PRKCQ: variants seen among roughly 807,000 people sequenced by gnomAD.
The protein encoded by PRKCQ is protein kinase C theta type.
In PRKCQ, 41 loss-of-function variants were observed where a neutral mutation model predicts 91.2. The observed-to-expected ratio is 0.45, with a 90% CI of 0.35 to 0.58. The LOEUF is 0.58. Ranked by LOEUF, PRKCQ falls within the 20% of genes least tolerant of loss-of-function variation. The probability of loss-of-function intolerance (pLI) is 0.00; values close to 1 mark genes in which losing one functional copy is unlikely to be tolerated. For synonymous variants in PRKCQ, 307 were observed against 316.9 expected, an observed-to-expected ratio of 0.97 and a Z score of 0.33; for missense variants, 673 against 896.5, an observed-to-expected ratio of 0.75 and a Z score of 3.18.
At chr10:6,495,392 T>TCC (rs1837533597) in intron 7 of PRKCQ, among the ~76,000 whole-genome samples, 1 of 152,184 alleles carries the variant, frequency 6.6e-6, no homozygotes, top group African/African-American at 2.4e-5. Flanking sequence ...CATTGGACTC[T>TCC]CCCTCAGCAG....
intron 1 of PRKCQ, among the ~76,000 whole-genome samples, chr10:6,520,923 C>T (rs1002817158): frequency 6.6e-6 from 1 of 152,204 alleles, no homozygotes; most frequent in African/African-American, 2.4e-5. Context: ...ACAATTCTCT[C>T]TGGTCTCATC....
chr10:6,425,860 G>A (rs1232147170), downstream of PRKCQ, among the ~76,000 whole-genome samples: 1 of 152,114 alleles, frequency 6.6e-6, no homozygotes, highest in African/African-American at 2.4e-5. Context: ...TCTAGTGGAG[G>A]GGATAAAAGT....
intron 4 of PRKCQ, among the ~76,000 whole-genome samples, chr10:6,504,517 T>A (rs1038226228): frequency 6.6e-6 from 1 of 152,210 alleles, no homozygotes; most frequent in Admixed American, 6.5e-5. Flanking sequence ...AAAACTCAAC[T>A]CTTGCTAACC....
chr10:6,458,224 G>A (rs1835128057), intron 14 of PRKCQ, among the ~76,000 whole-genome samples: 1 of 152,250 alleles, frequency 6.6e-6, no homozygotes, highest in South Asian at 2.1e-4. Context: ...GTGAGCCACT[G>A]CGCCTGGCCA....
chr10:6,499,103 C>A (rs1249320841), intron 4 of PRKCQ, among the ~76,000 whole-genome samples: 1 of 152,170 alleles, frequency 6.6e-6, no homozygotes, highest in African/African-American at 2.4e-5. Flanking sequence ...GAGAAAGGAA[C>A]TTTGGGACAT....
the PRKCQ span, among the ~76,000 whole-genome samples, chr10:6,411,086 T>C: frequency 6.6e-6 from 1 of 150,564 alleles, no homozygotes; most frequent in Non-Finnish European, 1.5e-5. Flanking sequence ...TACGGAAAAA[T>C]CAATTGTTCT....
chr10:6,530,524 G>A lies in PRKCQ; in HGVS notation c.-9-15380C>T, dbSNP rs1175209253. 3.9e-5 allele frequency among the ~76,000 whole-genome samples: 6 copies of A among 152,348 alleles called. No homozygotes were observed. The East Asian group carries it at 7.7e-4, about 20-fold the overall frequency. On this transcript the variant is annotated intron_variant, in intron 1 of 17. Transcript: ENST00000263125. The stretch of plus-strand genomic sequence containing the variant: ...CATGTGCCGGCTCTGCCCGGCAACG[G>A]GGGACTGGGCTATCACAGTCACAGG...
At chr10:6,459,329 C>A (rs1162802175) in intron 14 of PRKCQ, among the ~76,000 whole-genome samples, 1 of 152,136 alleles carries the variant, frequency 6.6e-6, no homozygotes, top group Non-Finnish European at 1.5e-5. Context: ...CATTCTACCT[C>A]TGAAGAAACC....
intron 3 of PRKCQ, among the ~76,000 whole-genome samples, chr10:6,510,172 T>C (rs193042917): frequency 1.3e-5 from 2 of 152,372 alleles, no homozygotes; most frequent in East Asian, 3.9e-4. Flanking sequence ...TCAGATCATG[T>C]AAAAGCAGTT....
chr10:6,498,636 G>A, intron 4 of PRKCQ, 78 bp from the exon 5 acceptor site: 1 of 1,453,488 alleles, frequency 6.9e-7, no homozygotes, highest in Non-Finnish European at 9.4e-7. Flanking sequence ...AGGAGGGGAG[G>A]GAGATGGGCA....
chr10:6,549,622 A>ATT (rs1840100852), intron 1 of PRKCQ, among the ~76,000 whole-genome samples: 1 of 130,010 alleles, frequency 7.7e-6, no homozygotes, highest in African/African-American at 2.9e-5. Context: ...CATAAAATTC[A>ATT]TCTTTTTTTT....
the PRKCQ span, among the ~76,000 whole-genome samples, chr10:6,401,245 G>A: frequency 3.3e-5 from 5 of 152,144 alleles, no homozygotes; most frequent in East Asian, 3.9e-4. Context: ...GCAACCTGCC[G>A]AAACCATCTC....
intron 10 of PRKCQ, among the ~76,000 whole-genome samples, chr10:6,484,396 A>G (rs1239203226): frequency 6.6e-6 from 1 of 152,142 alleles, no homozygotes; most frequent in African/African-American, 2.4e-5. Flanking sequence ...CCTGGGCCAC[A>G]GAGCAAGACT....
At chr10:6,416,644 T>C in the PRKCQ span, among the ~76,000 whole-genome samples, 5 of 152,220 alleles carry the variant, frequency 3.3e-5, no homozygotes, top group Admixed American at 3.3e-4. Context: ...TTCATATCTT[T>C]GCAGTTGTGA....
chr10:6,497,338 C>A lies in PRKCQ; in HGVS notation c.543-87G>T, dbSNP rs992705552. 2 of 1,460,406 alleles carry A rather than the reference C, an allele frequency of 1.4e-6. No homozygotes were observed. The highest frequency in any genetic ancestry group is 1.9e-6 in the Non-Finnish European group (2 of 1,042,118). 90.5% of individuals were successfully genotyped at this position (1,460,406 alleles called of 1,614,324 possible). On this transcript the variant is annotated intron_variant, in intron 5 of 17. Coordinates refer to ENST00000263125, the MANE Select transcript of PRKCQ (RefSeq NM_006257.5). The surrounding 1 kb of genome is among the most constrained non-coding windows in gnomAD (Gnocchi z 4.5). ...TTAAGAGATGGATGAGATCTCATAACCCCCTAAGATCACAGAGCAGTTTCT... is the reference window on the plus strand; with the variant it reads ...TTAAGAGATGGATGAGATCTCATAAACCCCTAAGATCACAGAGCAGTTTCT...
At chr10:6,543,363 C>A (rs1839838842) in intron 1 of PRKCQ, among the ~76,000 whole-genome samples, 1 of 152,284 alleles carries the variant, frequency 6.6e-6, no homozygotes. Context: ...CTCTTTCAGT[C>A]TCCAGACAGA....
In PRKCQ at chr10:6,564,292, T is replaced by G. The variant is rs564006885; in HGVS notation, c.-10+15919A>C. ...AGACTAGAGGCTCAATCTCGGAAAC[T>G]AAACGAGGTCCTCTGTAGGAAATAT... On this transcript the variant is annotated intron_variant, in intron 1 of 17. Coordinates refer to ENST00000263125, the MANE Select transcript of PRKCQ (RefSeq NM_006257.5). Among the ~76,000 whole-genome samples, 196 of 152,236 alleles carry G rather than the reference T, an allele frequency of 1.3e-3. 1 individual carries two copies. The highest frequency in any genetic ancestry group is 4.6e-3 in the African/African-American group (193 of 41,536).
intron 1 of PRKCQ, among the ~76,000 whole-genome samples, chr10:6,574,961 C>G (rs899027372): frequency 6.8e-5 from 2 of 29,482 alleles, no homozygotes; most frequent in Non-Finnish European, 1.8e-3. Context: ...GTGTCCCCTA[C>G]TGAAACACAC....
the PRKCQ span, among the ~76,000 whole-genome samples, chr10:6,419,468 C>T: frequency 6.9e-6 from 1 of 144,822 alleles, no homozygotes; most frequent in Non-Finnish European, 1.6e-5. Flanking sequence ...ACATACCCTC[C>T]ATGCTCCCCC....
Sources: allele counts gnomAD v4.1 joint callset (sites outside exome capture counted in the v4.1 genomes callset), GRCh38; gene constraint gnomAD v4.1.1; non-coding constraint Gnocchi (gnomAD v3.1); transcripts MANE v1.5; gene names NCBI Gene and HGNC (gene_info 2026-07-23, HGNC 2026-07-21).